Variants in MMD2 observed in about 807,000 individuals in gnomAD.
MMD2 encodes the protein monocyte to macrophage differentiation factor 2.
Under a neutral mutation model 33.5 loss-of-function variants are expected in MMD2, and 30 were observed. That is an observed-to-expected ratio of 0.90 (90% CI 0.67 to 1.22). MMD2 has a LOEUF of 1.22. Ranked by LOEUF, MMD2 falls within the 50% of genes most tolerant of loss-of-function variation. The probability of loss-of-function intolerance (pLI) is 0.00; values close to 1 mark genes in which losing one functional copy is unlikely to be tolerated. For synonymous variants in MMD2, 129 were observed against 123.0 expected (o/e 1.05, Z -0.32); for missense variants, 364 against 325.4 (o/e 1.12, Z -0.91).
intron 2 of MMD2, 66 bp from the exon 3 acceptor site, chr7:4,920,397 C>A: frequency 6.5e-7 from 1 of 1,530,270 alleles, no homozygotes; most frequent in South Asian, 1.2e-5. Flanking sequence ...CCTCCTGCCC[C>A]TTCCCCGGCT....
intron 2 of MMD2, among the ~76,000 whole-genome samples, chr7:4,921,862 C>T (rs1785294312): frequency 6.6e-6 from 1 of 152,096 alleles, no homozygotes; most frequent in South Asian, 2.1e-4. Flanking sequence ...TGTCCATCTG[C>T]GTATGGCAGA....
chr7:4,934,466 C>G (rs1260276679), intron 1 of MMD2, among the ~76,000 whole-genome samples: 1 of 152,192 alleles, frequency 6.6e-6, no homozygotes, highest in African/African-American at 2.4e-5. Flanking sequence ...ACAGAGGTGG[C>G]AGTCAGAGAG....
At chr7:4,927,070 T>C (rs911586311) in intron 1 of MMD2, among the ~76,000 whole-genome samples, 3 of 152,052 alleles carry the variant, frequency 2.0e-5, no homozygotes, top group African/African-American at 7.2e-5. Context: ...TCATGGCTAT[T>C]GTATTCCACT....
chr7:4,915,982 C>T, intron 4 of MMD2, 23 bp downstream of exon 4: 2 of 1,611,600 alleles, frequency 1.2e-6, no homozygotes, highest in Non-Finnish European at 1.7e-6. Flanking sequence ...CAAGGGTTTG[C>T]TGGGCGGCGG....
intron 1 of MMD2, among the ~76,000 whole-genome samples, chr7:4,949,581 G>A (rs1273106612): frequency 2.0e-5 from 3 of 151,594 alleles, no homozygotes; most frequent in Non-Finnish European, 2.9e-5. Context: ...GTGCAATCTC[G>A]GCTCACTGCA....
chr7:4,916,371 CTTTTTTTTTTTTTT>C (rs553309427), intron 3 of MMD2, among the ~76,000 whole-genome samples: 1,589 of 64,858 alleles, frequency 0.024, 48 homozygotes, highest in African/African-American at 0.1. Context: ...CTCCGTCCCA[CTTTTTTTTTTTTTT>C]TTTTTTTTTT....
intron 1 of MMD2, among the ~76,000 whole-genome samples, chr7:4,941,086 C>T (rs1785895611): frequency 6.6e-6 from 1 of 152,138 alleles, no homozygotes; most frequent in South Asian, 2.1e-4. Flanking sequence ...GGGGTCGCCC[C>T]AACAAAGATG....
chr7:4,929,997 T>A (rs185408640), intron 1 of MMD2, among the ~76,000 whole-genome samples: 1,523 of 151,988 alleles, frequency 0.01, 20 homozygotes, highest in Non-Finnish European at 0.011. Context: ...GGGCCGGGTA[T>A]GGTGGCTCAC....
chr7:4,947,604 A>G (rs1452930207), intron 1 of MMD2, among the ~76,000 whole-genome samples: 2 of 150,174 alleles, frequency 1.3e-5, no homozygotes, highest in African/African-American at 4.9e-5. Context: ...CATGTTAGCC[A>G]GGATGGTCTC....
At chr7:4,916,982 G>C (rs991301871) in intron 3 of MMD2, among the ~76,000 whole-genome samples, 4 of 152,128 alleles carry the variant, frequency 2.6e-5, no homozygotes, top group Non-Finnish European at 5.9e-5. Flanking sequence ...TGAGGCAGGA[G>C]GATCTCTTGA....
intron 1 of MMD2, among the ~76,000 whole-genome samples, chr7:4,928,837 A>C (rs1215481964): frequency 6.6e-6 from 1 of 151,690 alleles, no homozygotes; most frequent in Non-Finnish European, 1.5e-5. Flanking sequence ...TTCATGAAGC[A>C]TTTATTAAGC....
chr7:4,955,769 C>T (rs1230332131), intron 1 of MMD2, among the ~76,000 whole-genome samples: 2 of 152,096 alleles, frequency 1.3e-5, no homozygotes, highest in African/African-American at 4.8e-5. Context: ...AAATTTAAAG[C>T]TGGCCGGGCG....
In MMD2 at chr7:4,906,878, C is replaced by T; in HGVS notation, c.*518G>A. The T allele has an allele frequency of 3.8e-6, 1 of 265,744 alleles. No homozygotes were observed. Among genetic ancestry groups the T allele is most frequent in the Non-Finnish European group, 7.1e-6 (1 of 140,220 alleles). The allele number at this position is 265,744 out of a possible 1,614,324, so 16.5% of individuals were successfully genotyped here. On this transcript the variant is annotated 3_prime_UTR_variant, in exon 7 of 7. Coordinates refer to ENST00000401401, the MANE Select transcript of MMD2 (RefSeq NM_198403.4). ...GAAGAATTCTGACATCACCCATGTGCTGCACTTGATTGGTGATGTCTGCCA... is the reference window on the plus strand; with the variant it reads ...GAAGAATTCTGACATCACCCATGTGTTGCACTTGATTGGTGATGTCTGCCA...
chr7:4,892,248 G>T, the MMD2 span, among the ~76,000 whole-genome samples: 1 of 152,066 alleles, frequency 6.6e-6, no homozygotes, highest in East Asian at 1.9e-4. Context: ...CGCCATAGAC[G>T]ATAAATACAA....
chr7:4,942,775 C>A (rs1028751378), intron 1 of MMD2, among the ~76,000 whole-genome samples: 1 of 151,454 alleles, frequency 6.6e-6, no homozygotes, highest in Non-Finnish European at 1.5e-5. Flanking sequence ...ACCACCTCAC[C>A]CGGCTTTTTT....
intron 1 of MMD2, among the ~76,000 whole-genome samples, chr7:4,930,303 G>A (rs1304048980): frequency 2.0e-5 from 3 of 146,408 alleles, no homozygotes; most frequent in South Asian, 2.2e-4. Flanking sequence ...AGCCCAGACT[G>A]CAGTAGGGTG....
rs544385104 is a variant in MMD2 at position 4,940,075 on chromosome 7, C to T, written c.48-14543G>A. 3.3e-5 allele frequency among the ~76,000 whole-genome samples: 5 copies of T among 152,144 alleles called. No individual in the cohort carries two copies. The highest frequency in any genetic ancestry group is 7.2e-5 in the African/African-American group (3 of 41,426). On this transcript the variant is annotated intron_variant, in intron 1 of 6. Coordinates refer to ENST00000401401, the MANE Select transcript of MMD2 (RefSeq NM_198403.4). This position sits in a 1 kb window ranked among gnomAD's most constrained non-coding sequence, Gnocchi z 5.0. ...TTCTATAAATTTCAAGAACAGGCAG[C>T]GCAGGTCTGTTGAAGGTCCGATGAC...
intron 4 of MMD2, among the ~76,000 whole-genome samples, chr7:4,913,948 A>C (rs1785078088): frequency 6.6e-6 from 1 of 152,012 alleles, no homozygotes; most frequent in Non-Finnish European, 1.5e-5. Flanking sequence ...GGCGTTAGCC[A>C]CTGCGCCTGG....
chr7:4,918,483 CTTTT>C (rs60393757), intron 3 of MMD2, among the ~76,000 whole-genome samples: 4,366 of 131,006 alleles, frequency 0.033, 217 homozygotes, highest in African/African-American at 0.12. Flanking sequence ...TTCTTTCTTT[CTTTT>C]TTTTTTTTTT....
Sources: gnomAD v4.1 joint callset for allele counts (sites outside exome capture counted in the v4.1 genomes callset) on GRCh38, gnomAD v4.1.1 for gene constraint, Gnocchi (gnomAD v3.1) non-coding constraint, MANE v1.5 for transcripts, NCBI Gene and HGNC (gene_info 2026-07-23, HGNC 2026-07-21) for gene names.